TDP2: variants seen among roughly 807,000 people sequenced by gnomAD.
The protein encoded by TDP2 is 5'-Tyr-DNA phosphodiesterase.
TDP2 carries 38 observed loss-of-function variants against 42.8 expected under a neutral mutation model. That is an observed-to-expected ratio of 0.89 (90% CI 0.68 to 1.16). TDP2 has a LOEUF of 1.16. TDP2 is among the 50% of genes most tolerant of loss of function. The pLI, the probability that TDP2 is intolerant of heterozygous loss-of-function variation, is 0.00. For synonymous variants in TDP2, 173 were observed against 150.6 expected (o/e 1.15, Z -1.09); for missense variants, 439 against 439.3 (o/e 1.00, Z 0.01).
chr6:24,658,354 T>A (rs575723128), intron 3 of TDP2, among the ~76,000 whole-genome samples: 1 of 152,342 alleles, frequency 6.6e-6, no homozygotes, highest in South Asian at 2.1e-4. Flanking sequence ...AAGAAAACAG[T>A]ACTAAAAGGC....
At chr6:24,656,833 C>T (rs180872600) in intron 4 of TDP2, among the ~76,000 whole-genome samples, 81 of 152,280 alleles carry the variant, frequency 5.3e-4, no homozygotes, top group Admixed American at 3.5e-3. Context: ...ACTATCCATG[C>T]ACTATTTCCT....
intron 2 of TDP2, among the ~76,000 whole-genome samples, chr6:24,663,233 G>A (rs569874887): frequency 5.3e-5 from 8 of 152,254 alleles, no homozygotes; most frequent in Admixed American, 2.0e-4. Context: ...AACCCCATGA[G>A]GAAGGGGTTG....
rs148468777 is a variant in TDP2, at chr6:24,665,109, G to A, written c.251+1417C>T. ...GGTACAGAAATACAGCCATGTTTAA[G>A]GAAGGGCAGTTAAGGGCTTTCTCTC... is the stretch of plus-strand genomic sequence containing the variant. On this transcript the variant is annotated intron_variant, in intron 2 of 6. Coordinates refer to ENST00000378198, the MANE Select transcript of TDP2 (RefSeq NM_016614.3). 5.7e-4 allele frequency among the ~76,000 whole-genome samples: 87 copies of A among 152,310 alleles called. 2 individuals are homozygous for A. The East Asian group carries it at 0.015, about 27-fold the overall frequency.
chr6:24,662,011 C>G lies in TDP2; in HGVS notation c.252-3277G>C, dbSNP rs902325945. 4.6e-5 allele frequency among the ~76,000 whole-genome samples: 7 copies of G among 152,260 alleles called. 1 individual carries two copies. ...AAGGTTTAATGGATTTAGGGCTGTG[C>G]AGGATGTGCTTTGTTAAAATTGTGT... On this transcript the variant is annotated intron_variant, in intron 2 of 6. Transcript: ENST00000378198.
At chr6:24,660,318 TAGAG>T (rs1453193876) in intron 2 of TDP2, among the ~76,000 whole-genome samples, 7 of 152,144 alleles carry the variant, frequency 4.6e-5, no homozygotes, top group East Asian at 1.9e-4. Flanking sequence ...GCAAACATCA[TAGAG>T]AGAATTTACA....
At chr6:24,656,790 A>G (rs1449443656) in intron 4 of TDP2, among the ~76,000 whole-genome samples, 1 of 152,202 alleles carries the variant, frequency 6.6e-6, no homozygotes, top group East Asian at 1.9e-4. Flanking sequence ...TACGACACAG[A>G]CATTTTCAAA....
chr6:24,655,104 A>G (rs138664603), intron 4 of TDP2, among the ~76,000 whole-genome samples: 1 of 152,336 alleles, frequency 6.6e-6, no homozygotes, highest in East Asian at 1.9e-4. Context: ...TGCTGCCAAT[A>G]TCAGATGAGA....
intron 2 of TDP2, chr6:24,666,243 C>CT: frequency 6.5e-7 from 1 of 1,544,842 alleles, no homozygotes; most frequent in Non-Finnish European, 8.7e-7. Flanking sequence ...AAACCTCTCG[C>CT]TTACTTATTT....
At position 24,653,135 on chromosome 6, in the gene TDP2, C is replaced by G; in HGVS notation, c.655G>C (p.Glu219Gln). 1 of 1,614,146 alleles carries G rather than the reference C, an allele frequency of 6.2e-7. No individual in the cohort carries two copies. The highest frequency in any genetic ancestry group is 8.5e-7 in the Non-Finnish European group (1 of 1,180,012). ...LCVHVNVSGNELCLMTSHLES... is the reference protein window; with the variant it reads ...LCVHVNVSGNQLCLMTSHLES... Reference sequence around the variant, plus strand: ...AAATGGGATGTCATAAGGCAAAGCTCATTTCCTGACACGTTCACCTGCAGC... The same window carrying G: ...AAATGGGATGTCATAAGGCAAAGCTGATTTCCTGACACGTTCACCTGCAGC... The change falls in exon 6 of 7, where the codon GAG becomes CAG. Residue 219 changes from glutamate to glutamine, a missense_variant. Transcript: ENST00000378198.
chr6:24,666,188 G>C, intron 2 of TDP2: 2 of 1,550,530 alleles, frequency 1.3e-6, no homozygotes, highest in Non-Finnish European at 1.7e-6. Flanking sequence ...AGACTTCCAA[G>C]TTGCCATTTT....
At chr6:24,666,247 CT>C (rs1778232826) in intron 2 of TDP2, 1 of 1,543,474 alleles carries the variant, frequency 6.5e-7, no homozygotes, top group Non-Finnish European at 8.7e-7. Context: ...CTCTCGCTTA[CT>C]TATTTCCTTT....
chr6:24,663,048 C>T (rs1778179774), intron 2 of TDP2, among the ~76,000 whole-genome samples: 1 of 152,182 alleles, frequency 6.6e-6, no homozygotes, highest in African/African-American at 2.4e-5. Context: ...ATAACTCAAT[C>T]TACCTCATAA....
At chr6:24,651,138 A>AG (rs897376848) in intron 6 of TDP2, 69 bp from the exon 7 acceptor site, 44 of 1,338,534 alleles carry the variant, frequency 3.3e-5, no homozygotes, top group Admixed American at 4.8e-5. Flanking sequence ...AAAAAAAAAA[A>AG]AAAGGTGTTT....
intron 6 of TDP2, 24 bp downstream of exon 6, chr6:24,652,959 C>CTT (rs1357711054): frequency 6.2e-7 from 1 of 1,609,708 alleles, no homozygotes; most frequent in Non-Finnish European, 8.5e-7. Flanking sequence ...TGTCCTCAAA[C>CTT]ATCAAACTGA....
At position 24,657,858 on chromosome 6, in the gene TDP2, A is replaced by G. The variant is rs767868725; in HGVS notation, c.471T>C (p.Tyr157=). 2 of 1,585,756 alleles carry G rather than the reference A, an allele frequency of 1.3e-6. No homozygotes were observed. Among genetic ancestry groups the G allele is most frequent in the Non-Finnish European group, 1.7e-6 (2 of 1,165,684 alleles). ...VIFLQEVIPP[Y]YSYLKKRSSN... ...TTGATCTCTTCTTTAGGTAGCTATA[A>G]TATGGGGGAATAACTTCCTGTAGAA... The change falls in exon 4 of 7, where the codon TAT becomes TAC. Residue 157 remains tyrosine, a synonymous_variant. Coordinates refer to ENST00000378198, the MANE Select transcript of TDP2 (RefSeq NM_016614.3).
At chr6:24,660,944 C>T (rs1169761034) in intron 2 of TDP2, among the ~76,000 whole-genome samples, 2 of 152,176 alleles carry the variant, frequency 1.3e-5, no homozygotes, top group Non-Finnish European at 2.9e-5. Flanking sequence ...ATGTCCTCCG[C>T]AATGCACCAT....
chr6:24,651,124 TAAA>T (rs11370284), intron 6 of TDP2, 55 bp from the exon 7 acceptor site: 3,921 of 989,094 alleles, frequency 4.0e-3, no homozygotes, highest in Admixed American at 8.8e-3. Flanking sequence ...CCCACTAACT[TAAA>T]AAAAAAAAAA....
intron 2 of TDP2, chr6:24,665,891 C>A: frequency 2.2e-6 from 1 of 459,258 alleles, no homozygotes; most frequent in South Asian, 6.6e-5. Context: ...ATTCCAGGCA[C>A]AGGTAATAAA....
At position 24,666,884 on chromosome 6, in the gene TDP2, C is replaced by T. The variant is rs751092306; in HGVS notation, c.-22G>A. On this transcript the variant is annotated 5_prime_UTR_variant, in exon 1 of 7. Coordinates refer to ENST00000378198, the MANE Select transcript of TDP2 (RefSeq NM_016614.3). ...CCATCTTCCTGCCGCCTCTGCACCGCCCCTTTAAGCGGAACAGGAGGCCAA... is the reference window on the plus strand; with the variant it reads ...CCATCTTCCTGCCGCCTCTGCACCGTCCCTTTAAGCGGAACAGGAGGCCAA... 1.2e-6 allele frequency: 2 copies of T among 1,612,010 alleles called. No individual in the cohort carries two copies. The highest frequency in any genetic ancestry group is 4.5e-5 in the East Asian group (2 of 44,896).
Sources: allele counts gnomAD v4.1 joint callset (sites outside exome capture counted in the v4.1 genomes callset), GRCh38; gene constraint gnomAD v4.1.1; transcripts MANE v1.5; gene names NCBI Gene and HGNC (gene_info 2026-07-23, HGNC 2026-07-21).